CCDC141: variants seen among roughly 807,000 people sequenced by gnomAD.
CCDC141 encodes coiled-coil domain containing 141.
In CCDC141, 168 loss-of-function variants were observed where a neutral mutation model predicts 181.0. The ratio of observed to expected loss-of-function variants is 0.93; its 90% CI spans 0.82 to 1.05. The LOEUF is 1.05. CCDC141 is among the 50% of genes least tolerant of loss of function. The pLI is 0.00. For synonymous variants in CCDC141, 666 were observed against 642.3 expected, an observed-to-expected ratio of 1.04 and a Z score of -0.56; for missense variants, 1,902 against 1,788.5, an observed-to-expected ratio of 1.06 and a Z score of -1.14.
intron 8 of CCDC141, among the ~76,000 whole-genome samples, chr2:178,889,680 A>G (rs1004724965): frequency 6.6e-6 from 1 of 152,180 alleles, no homozygotes; most frequent in Non-Finnish European, 1.5e-5. Context: ...TGGAGTGATG[A>G]CGATGCCACT....
chr2:178,884,255 A>AAG (rs201331232), intron 11 of CCDC141, among the ~76,000 whole-genome samples: 1 of 150,828 alleles, frequency 6.6e-6, no homozygotes, highest in Non-Finnish European at 1.5e-5. Context: ...AAAAAAAAAA[A>AAG]CCAGAATCTC....
intron 17 of CCDC141, among the ~76,000 whole-genome samples, chr2:178,860,520 G>A (rs549697200): frequency 2.8e-4 from 36 of 126,794 alleles, no homozygotes; most frequent in Non-Finnish European, 4.7e-4. Flanking sequence ...GCAACAGAGC[G>A]AGACTCAAAA....
At chr2:178,816,954 G>A in the CCDC141 span, among the ~76,000 whole-genome samples, 24,364 of 152,022 alleles carry the variant, frequency 0.16, 3,689 homozygotes, top group East Asian at 0.71. Flanking sequence ...GAGAAATAAG[G>A]AATGAGAACT....
At chr2:178,955,942 T>C (rs1690145584) in intron 5 of CCDC141, among the ~76,000 whole-genome samples, 1 of 152,280 alleles carries the variant, frequency 6.6e-6, no homozygotes, top group African/African-American at 2.4e-5. Context: ...AATCGTCATC[T>C]GAGCATGACA....
Position 179,047,415 on chromosome 2 carries a change from A to G in CCDC141, c.103-9T>C, listed in dbSNP as rs777554318. On this transcript the variant is annotated splice_polypyrimidine_tract_variant and intron_variant, in intron 1 of 23. Coordinates refer to ENST00000443758, the MANE Select transcript of CCDC141 (RefSeq NM_173648.4). ...TGTACCCATTTGCCACACTAAAAAT[A>G]AAAATTAAATAAAATGCACTTTTAG... 2 of 1,497,074 alleles carry G rather than the reference A, an allele frequency of 1.3e-6. No homozygotes were observed. Among genetic ancestry groups the G allele is most frequent in the South Asian group, 2.7e-5 (2 of 73,878 alleles). The allele number at this position is 1,497,074 out of a possible 1,614,324, so 92.7% of individuals were successfully genotyped here. A position where few individuals can be genotyped will look rare whatever the true frequency, so the allele number is the denominator to read the frequency against.
chr2:178,920,775 G>T (rs750883745), intron 6 of CCDC141, among the ~76,000 whole-genome samples: 1 of 151,810 alleles, frequency 6.6e-6, no homozygotes, highest in Non-Finnish European at 1.5e-5. Flanking sequence ...TGTTAAGATA[G>T]AAACTGTACA....
intron 6 of CCDC141, among the ~76,000 whole-genome samples, chr2:178,932,351 C>T (rs1689133548): frequency 6.6e-6 from 1 of 152,106 alleles, no homozygotes. Context: ...CAGAGATGCT[C>T]AAATTTAACT....
chr2:178,935,179 ACTC>A (rs1296847102), intron 6 of CCDC141, among the ~76,000 whole-genome samples: 1 of 151,834 alleles, frequency 6.6e-6, no homozygotes, highest in Non-Finnish European at 1.5e-5. Flanking sequence ...ACATAGGTAA[ACTC>A]CTGTCACGGG....
intron 2 of CCDC141, among the ~76,000 whole-genome samples, chr2:179,046,874 T>A (rs2043514626): frequency 6.6e-6 from 1 of 152,226 alleles, no homozygotes; most frequent in Non-Finnish European, 1.5e-5. Context: ...GAATCAGATA[T>A]TTTCAATAGT....
chr2:178,840,924 G>T (rs1462506271), intron 22 of CCDC141, among the ~76,000 whole-genome samples: 1 of 152,070 alleles, frequency 6.6e-6, no homozygotes, highest in East Asian at 1.9e-4. Flanking sequence ...ATCTTTTTCT[G>T]GAACCATTTA....
At chr2:178,979,938 C>A (rs1691292129) in intron 2 of CCDC141, among the ~76,000 whole-genome samples, 1 of 152,088 alleles carries the variant, frequency 6.6e-6, no homozygotes, top group African/African-American at 2.4e-5. Flanking sequence ...AGATAAAATA[C>A]GTAGTATTAG....
chr2:179,035,402 C>T (rs2043116536), intron 2 of CCDC141, among the ~76,000 whole-genome samples: 1 of 152,160 alleles, frequency 6.6e-6, no homozygotes, highest in African/African-American at 2.4e-5. Flanking sequence ...CTATAGGGTG[C>T]TCCTTCTGTA....
intron 2 of CCDC141, among the ~76,000 whole-genome samples, chr2:178,979,748 A>G (rs1691283824): frequency 6.6e-6 from 1 of 152,222 alleles, no homozygotes; most frequent in African/African-American, 2.4e-5. Flanking sequence ...TAAATAGTGC[A>G]ATCCACAGTA....
At chr2:179,025,747 A>G (rs2042826005) in intron 2 of CCDC141, among the ~76,000 whole-genome samples, 1 of 152,218 alleles carries the variant, frequency 6.6e-6, no homozygotes, top group African/African-American at 2.4e-5. Context: ...TCAGAAGAAG[A>G]CAGGAAAATG....
At position 179,007,454 on chromosome 2, in the gene CCDC141, A is replaced by G. The variant is rs970044258; in HGVS notation, c.226-28779T>C. On this transcript the variant is annotated intron_variant, in intron 2 of 23. Transcript: ENST00000443758. ...AGTATTGCATCTGATAAACATCATT[A>G]TTTAGCTGCTTTAAAATGCATGTTA... 3.3e-5 allele frequency among the ~76,000 whole-genome samples: 5 copies of G among 152,180 alleles called. No individual in the cohort carries two copies. In the East Asian group the frequency reaches 9.6e-4, roughly 29 times the overall value.
intron 2 of CCDC141, among the ~76,000 whole-genome samples, chr2:178,992,715 G>A (rs192060737): frequency 1.2e-3 from 180 of 152,170 alleles, no homozygotes; most frequent in African/African-American, 4.2e-3. Flanking sequence ...GATATGGTTT[G>A]GCTGTGCCCT....
chr2:178,964,022 T>C (rs893853429), intron 4 of CCDC141, among the ~76,000 whole-genome samples: 1 of 151,780 alleles, frequency 6.6e-6, no homozygotes, highest in Non-Finnish European at 1.5e-5. Context: ...GGGCTGGGGG[T>C]AGGGTTCAGG....
intron 22 of CCDC141, 124 bp from the exon 23 acceptor site, chr2:178,837,868 C>A: frequency 9.2e-7 from 1 of 1,084,458 alleles, no homozygotes; most frequent in Non-Finnish European, 1.3e-6. Flanking sequence ...ATTTAGGGGG[C>A]TGGAGCAAGA....
At chr2:178,836,187 A>G (rs997633466) in intron 23 of CCDC141, 2 of 152,392 alleles carry the variant, frequency 1.3e-5, no homozygotes, top group Non-Finnish European at 2.9e-5. Flanking sequence ...TGCTTTTGTT[A>G]CCAATAGTAG....
Sources: allele counts gnomAD v4.1 joint callset (sites outside exome capture counted in the v4.1 genomes callset), GRCh38; gene constraint gnomAD v4.1.1; transcripts MANE v1.5; gene names NCBI Gene and HGNC (gene_info 2026-07-23, HGNC 2026-07-21).